The following ADGRG2 variants were observed in gnomAD, a reference collection of about 807,000 sequenced individuals.
ADGRG2 encodes adhesion G protein-coupled receptor G2.
Under a neutral mutation model 74.1 loss-of-function variants are expected in ADGRG2, and 26 were observed. That is an observed-to-expected ratio of 0.35 (90% CI 0.26 to 0.49). ADGRG2 has a LOEUF of 0.49. Among genes scored for constraint, ADGRG2 ranks in the 20% least tolerant of loss-of-function variants. ADGRG2 has a pLI of 0.99. For synonymous variants in ADGRG2, 296 were observed against 295.2 expected (o/e 1.00, Z -0.03); for missense variants, 619 against 763.1 (o/e 0.81, Z 2.22).
chrX:19,080,206 G>A (rs928293538), intron 2 of ADGRG2, among the ~76,000 whole-genome samples: 6 of 108,492 alleles, frequency 5.5e-5, no homozygotes, highest in Admixed American at 2.0e-4. Flanking sequence ...CACCGCGCCC[G>A]GCTGAGGGGT....
chrX:19,007,355 A>T lies in ADGRG2; in HGVS notation c.1569T>A (p.Asp523Glu), dbSNP rs2060258872. ...NFFETPALFQ[D>E]PSLENLSLIS... is the part of the protein sequence containing the mutation. ...TCAGAGAGAGGTTCTCCAGGGAAGG[A>T]TCCTGGCACATCAAGATGGCAAGGG... is the stretch of plus-strand genomic sequence containing the variant. Residue 523 changes from aspartate (D) to glutamate (E), a missense_variant and splice_region_variant, in exon 20 of 29, where the codon GAT (aspartate) becomes GAA (glutamate). By Grantham distance (45) the Asp-to-Glu change is conservative. Coordinates refer to ENST00000379869, the MANE Select transcript of ADGRG2 (RefSeq NM_001079858.3). The T allele has an allele frequency of 5.8e-6, 7 of 1,205,997 alleles. No homozygotes were observed. The highest frequency in any genetic ancestry group is 7.9e-6 in the Non-Finnish European group (7 of 890,198).
intron 3 of ADGRG2, among the ~76,000 whole-genome samples, chrX:19,061,626 C>G (rs2061490804): frequency 8.9e-6 from 1 of 111,826 alleles, no homozygotes; most frequent in African/African-American, 3.3e-5. Flanking sequence ...TAGGGTGGCT[C>G]CCTTTTGTTT....
chrX:18,994,358 G>C (rs1293908962), intron 28 of ADGRG2, among the ~76,000 whole-genome samples: 1 of 110,342 alleles, frequency 9.1e-6, no homozygotes, highest in African/African-American at 3.3e-5. Context: ...GCATCGTGGC[G>C]GTCACCTGTA....
chrX:19,057,683 T>C (rs1338672142), intron 3 of ADGRG2, among the ~76,000 whole-genome samples: 1 of 109,414 alleles, frequency 9.1e-6, no homozygotes, highest in Non-Finnish European at 1.9e-5. Context: ...CTACTAAACA[T>C]GTTAAAATTA....
chrX:19,021,323 C>T, intron 13 of ADGRG2, 125 bp from the exon 14 acceptor site: 1 of 514,776 alleles, frequency 1.9e-6, no homozygotes, highest in Non-Finnish European at 3.5e-6. Context: ...TGTGATGTCA[C>T]CCCAATAAGC....
At chrX:19,040,916 T>G (rs753020974) in intron 3 of ADGRG2, among the ~76,000 whole-genome samples, 1 of 111,630 alleles carries the variant, frequency 9.0e-6, no homozygotes, top group Non-Finnish European at 1.9e-5. Context: ...GACATTAACA[T>G]GTTAGTATAT....
At chrX:19,101,650 G>A (rs2062190370) in intron 1 of ADGRG2, among the ~76,000 whole-genome samples, 2 of 110,003 alleles carry the variant, frequency 1.8e-5, no homozygotes, top group African/African-American at 6.6e-5. Context: ...GCAGTGAGCT[G>A]GGATGGAGCT....
At chrX:19,051,232 G>A (rs751519691) in intron 3 of ADGRG2, among the ~76,000 whole-genome samples, 3 of 111,208 alleles carry the variant, frequency 2.7e-5, no homozygotes, top group East Asian at 2.9e-4. Flanking sequence ...CCACCACCAC[G>A]CCCGGCTAAT....
At chrX:19,066,749 C>T (rs769188147) in intron 3 of ADGRG2, among the ~76,000 whole-genome samples, 1 of 111,294 alleles carries the variant, frequency 9.0e-6, no homozygotes, top group East Asian at 2.8e-4. Context: ...CAGGTGTGAA[C>T]CTCCTAATGA....
At chrX:19,001,564 A>C (rs1403862484) in intron 24 of ADGRG2, among the ~76,000 whole-genome samples, 1 of 111,983 alleles carries the variant, frequency 8.9e-6, no homozygotes, top group East Asian at 2.8e-4. Context: ...CTCATACTTA[A>C]GAAAGGAATC....
Position 19,063,274 on chromosome X carries a change from C to A in ADGRG2, c.118+5443G>T, listed in dbSNP as rs780662614. On this transcript the variant is annotated intron_variant, in intron 3 of 28. Coordinates refer to ENST00000379869, the MANE Select transcript of ADGRG2 (RefSeq NM_001079858.3). ...TTTACGGTCCAGATCTCCCAGAGCC[C>A]CGGGTCGGGGGAGCTGCTGCTCTCT... 4.5e-5 allele frequency among the ~76,000 whole-genome samples: 5 copies of A among 111,707 alleles called. No homozygotes were observed. The East Asian group carries it at 1.4e-3, about 32-fold the overall frequency.
chrX:19,029,388 A>G (rs1044771304), intron 9 of ADGRG2, among the ~76,000 whole-genome samples: 4 of 111,926 alleles, frequency 3.6e-5, no homozygotes, highest in African/African-American at 1.3e-4. Context: ...TGAGTTTCAT[A>G]AATGTGCTGG....
chrX:18,999,229 A>C lies in ADGRG2; in HGVS notation c.2381T>G (p.Phe794Cys), dbSNP rs1314542600. The C allele has an allele frequency of 5.8e-6, 7 of 1,205,941 alleles. No homozygotes were observed. In the Admixed American group the frequency reaches 1.1e-4, roughly 19 times the overall value. ...GACGTTCAGCAAAAATATCACACAG[A>C]AATATCCCACCACCGTAATGTAGAA... Reference protein sequence around the residue: ...AVFYITVVGYFCVIFLLNVSM... With the variant: ...AVFYITVVGYCCVIFLLNVSM... The change falls in exon 26 of 29, where the codon TTC becomes TGC. Residue 794 changes from phenylalanine to cysteine, a missense_variant. By Grantham distance (205) the Phe-to-Cys change is radical. Coordinates refer to ENST00000379869, the MANE Select transcript of ADGRG2 (RefSeq NM_001079858.3).
rs749928491 is a variant in ADGRG2, at chrX:19,018,293, GT to G, written c.710+1305del. On this transcript the variant is annotated intron_variant, in intron 15 of 28. Transcript: ENST00000379869. ...CAGTTTTTTGTTTGTTTGTTTGTTT[GT>G]TTTTTTTTAATTTTTTAGTAGAAAT... 3.7e-4 allele frequency among the ~76,000 whole-genome samples: 39 copies of G among 104,517 alleles called. No homozygotes were observed. In the East Asian group the frequency reaches 6.1e-3, roughly 16 times the overall value. The allele number at this position is 104,517 out of a possible 115,157, so 90.8% of individuals were successfully genotyped here.
intron 2 of ADGRG2, among the ~76,000 whole-genome samples, chrX:19,069,152 C>T (rs1239609778): frequency 8.9e-6 from 1 of 112,152 alleles, no homozygotes; most frequent in African/African-American, 3.2e-5. Context: ...ATTACCATTA[C>T]ACAGAATCTT....
chrX:19,000,824 T>C, intron 24 of ADGRG2, among the ~76,000 whole-genome samples: 1 of 93,732 alleles, frequency 1.1e-5, no homozygotes, highest in Non-Finnish European at 2.0e-5. Context: ...CGCCTCCGCC[T>C]CCCGGGTTCA....
chrX:19,017,243 G>A (rs1266246902), intron 15 of ADGRG2, among the ~76,000 whole-genome samples: 1 of 112,059 alleles, frequency 8.9e-6, no homozygotes, highest in Non-Finnish European at 1.9e-5. Flanking sequence ...AAGATCCTGA[G>A]TGATGGATGT....
chrX:19,111,198 G>T (rs73636697), intron 1 of ADGRG2, among the ~76,000 whole-genome samples: 14,921 of 110,745 alleles, frequency 0.13, 902 homozygotes, highest in African/African-American at 0.23. Context: ...TTGCATGAGG[G>T]TGACAGGGAA....
intron 19 of ADGRG2, among the ~76,000 whole-genome samples, 199 bp downstream of exon 19, chrX:19,007,781 A>G (rs2060267819): frequency 8.9e-6 from 1 of 112,231 alleles, no homozygotes; most frequent in African/African-American, 3.2e-5. Flanking sequence ...GGCAATTGGT[A>G]AATATAAATA....
Sources: gnomAD v4.1 joint callset for allele counts (sites outside exome capture counted in the v4.1 genomes callset) on GRCh38, gnomAD v4.1.1 for gene constraint, MANE v1.5 for transcripts, NCBI Gene and HGNC (gene_info 2026-07-23, HGNC 2026-07-21) for gene names.